PRDM2: variants seen among roughly 807,000 people sequenced by gnomAD.
PRDM2 encodes PR/SET domain 2, also known as PR domain zinc finger protein 2.
A neutral mutation model predicts 130.0 loss-of-function variants in PRDM2; 30 were observed. The ratio of observed to expected loss-of-function variants is 0.23; its 90% CI spans 0.17 to 0.31. The LOEUF (loss-of-function observed/expected upper bound fraction) is 0.31, where lower values mean the gene tolerates loss of function less well. Ranked by LOEUF, PRDM2 falls within the 10% of genes least tolerant of loss-of-function variation. The probability of loss-of-function intolerance (pLI) is 1.00; values close to 1 mark genes in which losing one functional copy is unlikely to be tolerated. For missense variants in PRDM2, 2,011 were observed against 2,108.4 expected (o/e 0.95, Z 0.90); for synonymous variants, 871 against 782.4 (o/e 1.11, Z -1.89).
chr1:13,804,547 C>T (rs1645058723), intron 8 of PRDM2, among the ~76,000 whole-genome samples: 1 of 152,118 alleles, frequency 6.6e-6, no homozygotes, highest in South Asian at 2.1e-4. Flanking sequence ...CAAATTCTGA[C>T]TTGGAGTGGG....
intron 6 of PRDM2, among the ~76,000 whole-genome samples, chr1:13,751,604 G>A (rs1164079226): frequency 6.6e-6 from 1 of 151,392 alleles, no homozygotes; most frequent in African/African-American, 2.4e-5. Context: ...ATCTTTTCAG[G>A]CAGTGATGTC....
chr1:13,807,438 C>T (rs917402065), intron 8 of PRDM2, among the ~76,000 whole-genome samples: 2 of 152,184 alleles, frequency 1.3e-5, no homozygotes, highest in Non-Finnish European at 2.9e-5. Context: ...AAACAATAAC[C>T]AGTAAACGCA....
intron 4 of PRDM2, among the ~76,000 whole-genome samples, chr1:13,738,042 C>A (rs1490843023): frequency 1.3e-5 from 2 of 151,920 alleles, no homozygotes; most frequent in African/African-American, 2.4e-5. Context: ...TAGGAACTTA[C>A]CCTCATTTAA....
At chr1:13,731,879 TATTC>T (rs1472569760) in intron 3 of PRDM2, among the ~76,000 whole-genome samples, 1 of 152,210 alleles carries the variant, frequency 6.6e-6, no homozygotes, top group African/African-American at 2.4e-5. Flanking sequence ...ATTGGAAACT[TATTC>T]ATTGAGCAGT....
intron 6 of PRDM2, among the ~76,000 whole-genome samples, chr1:13,751,541 A>G (rs1489289720): frequency 6.8e-6 from 1 of 146,040 alleles, no homozygotes; most frequent in Non-Finnish European, 1.5e-5. Context: ...TTTTTTTTTT[A>G]ATTAACTCAG....
chr1:13,769,091 T>C (rs41269797), intron 6 of PRDM2: 21,732 of 970,606 alleles, frequency 0.022, 282 homozygotes, highest in Non-Finnish European at 0.025. Context: ...TCACTTCCCT[T>C]GTGTTTCATT....
At chr1:13,724,088 T>G (rs1476721715) in intron 2 of PRDM2, among the ~76,000 whole-genome samples, 1 of 152,330 alleles carries the variant, frequency 6.6e-6, no homozygotes, top group Non-Finnish European at 1.5e-5. Flanking sequence ...GCTAAAGTGT[T>G]CTCTGGGTAG....
At chr1:13,715,046 GT>G (rs1430498718) in intron 1 of PRDM2, among the ~76,000 whole-genome samples, 1 of 152,160 alleles carries the variant, frequency 6.6e-6, no homozygotes, top group Non-Finnish European at 1.5e-5. Context: ...TTTACTGCCA[GT>G]TTTTTGTTCT....
chr1:13,725,520 C>T (rs1416359115), intron 2 of PRDM2, among the ~76,000 whole-genome samples: 3 of 152,174 alleles, frequency 2.0e-5, no homozygotes, highest in Non-Finnish European at 4.4e-5. Flanking sequence ...CCTGTGTACT[C>T]TTTACCCAGC....
chr1:13,822,934 G>A (rs533801824), intron 9 of PRDM2, among the ~76,000 whole-genome samples: 5 of 152,280 alleles, frequency 3.3e-5, no homozygotes, highest in African/African-American at 9.6e-5. Context: ...GGGGTCACGG[G>A]TCAGGGGCTG....
intron 8 of PRDM2, among the ~76,000 whole-genome samples, chr1:13,791,057 C>T (rs943150697): frequency 1.1e-4 from 17 of 151,500 alleles, no homozygotes; most frequent in African/African-American, 2.7e-4. Context: ...TCTAAGGTGG[C>T]AAGTTGGGAT....
chr1:13,712,503 T>G (rs1022430517), intron 1 of PRDM2, among the ~76,000 whole-genome samples: 3 of 152,144 alleles, frequency 2.0e-5, no homozygotes, highest in African/African-American at 7.2e-5. Context: ...CTGACTGACT[T>G]TCTTTCTTTC....
At position 13,779,760 on chromosome 1, in the gene PRDM2, C is replaced by T; in HGVS notation, c.1965C>T (p.Asp655=). ...TGCCCAAAATTAAGGCCGAAACAGACTCTGACCCCATGGTCCCCTCTTGCT... is the reference window on the plus strand; with the variant it reads ...TGCCCAAAATTAAGGCCGAAACAGATTCTGACCCCATGGTCCCCTCTTGCT... ...PALPKIKAET[D]SDPMVPSCSL... is the part of the protein sequence containing the mutation. Residue 655 remains aspartate, a synonymous_variant, in exon 8 of 10, where the codon GAC becomes GAT. Coordinates refer to ENST00000311066, the MANE Select transcript of PRDM2 (RefSeq NM_001393986.1). This position sits in a 1 kb window ranked among gnomAD's most constrained non-coding sequence, Gnocchi z 4.9. 6.2e-7 allele frequency: 1 copy of T among 1,614,206 alleles called. No individual in the cohort carries two copies.
intron 6 of PRDM2, among the ~76,000 whole-genome samples, chr1:13,764,879 G>T (rs1644186176): frequency 6.6e-6 from 1 of 152,144 alleles, no homozygotes; most frequent in African/African-American, 2.4e-5. Context: ...GATAGTTCTT[G>T]GTGACTTTAA....
intron 8 of PRDM2, chr1:13,787,882 TGA>T (rs376193907): frequency 6.4e-5 from 63 of 980,780 alleles, no homozygotes; most frequent in South Asian, 1.4e-4. Flanking sequence ...AATGTAGCAC[TGA>T]GAGAGAGAGA....
chr1:13,781,038 A>G lies in PRDM2; in HGVS notation c.3243A>G (p.Ile1081Met), dbSNP rs777345855. Residue 1081 changes from isoleucine to methionine, a missense_variant, in exon 8 of 10, where the codon ATA (isoleucine) becomes ATG (methionine). Ile to Met is a conservative substitution (Grantham distance 10). Transcript: ENST00000311066. The surrounding 1 kb of genome is among the most constrained non-coding windows in gnomAD (Gnocchi z 6.1). ...SSPSPPPLSA[I>M]SSVVSSGDNL... is the part of the protein sequence containing the mutation. Reference sequence around the variant, plus strand: ...CTTCTCCACCTCCTCTCTCCGCAATATCATCTGTTGTTTCCTCTGGTGATA... The same window carrying G: ...CTTCTCCACCTCCTCTCTCCGCAATGTCATCTGTTGTTTCCTCTGGTGATA... The G allele has an allele frequency of 3.7e-6, 6 of 1,609,916 alleles. No homozygotes were observed. Among genetic ancestry groups the G allele is most frequent in the East Asian group, 2.2e-5 (1 of 44,844 alleles).
At chr1:13,760,374 AAT>A (rs1204486811) in intron 6 of PRDM2, among the ~76,000 whole-genome samples, 5 of 151,782 alleles carry the variant, frequency 3.3e-5, no homozygotes, top group Admixed American at 6.6e-5. Context: ...AGTGGGTGGG[AAT>A]ATACTGCTTG....
intron 4 of PRDM2, among the ~76,000 whole-genome samples, chr1:13,736,480 A>C (rs1643277474): frequency 6.6e-6 from 1 of 152,100 alleles, no homozygotes; most frequent in South Asian, 2.1e-4. Context: ...TTCATGATTT[A>C]TTTAACTAAG....
intron 8 of PRDM2, among the ~76,000 whole-genome samples, chr1:13,797,924 A>C (rs1282289932): frequency 3.9e-5 from 6 of 152,134 alleles, no homozygotes; most frequent in African/African-American, 1.4e-4. Context: ...TTGATTTTAA[A>C]TTCTTTTCCT....
Sources: allele counts gnomAD v4.1 joint callset (sites outside exome capture counted in the v4.1 genomes callset), GRCh38; gene constraint gnomAD v4.1.1; non-coding constraint Gnocchi (gnomAD v3.1); transcripts MANE v1.5; gene names NCBI Gene and HGNC (gene_info 2026-07-23, HGNC 2026-07-21).